The following EPB41 variants were observed in gnomAD, a reference collection of about 807,000 sequenced individuals.
EPB41 encodes the protein erythrocyte membrane protein band 4.1.
In EPB41, 65 loss-of-function variants were observed where a neutral mutation model predicts 108.0. The observed-to-expected ratio is 0.60, with a 90% CI of 0.49 to 0.74. EPB41 has a LOEUF of 0.74. Ranked by LOEUF, EPB41 falls within the 30% of genes least tolerant of loss-of-function variation. The pLI, the probability that EPB41 is intolerant of heterozygous loss-of-function variation, is 0.00. For synonymous variants in EPB41, 336 were observed against 358.9 expected, an observed-to-expected ratio of 0.94 and a Z score of 0.72; for missense variants, 875 against 1,037.0, an observed-to-expected ratio of 0.84 and a Z score of 2.15.
chr1:28,944,534 G>T lies in EPB41; in HGVS notation c.-8+29766G>T, dbSNP rs1306872100. ...ATTAAACATAAAACTCTCAGATCTGGTTTTTTTTTTTTTTTTTTTTTTTGA... is the reference window on the plus strand; with the variant it reads ...ATTAAACATAAAACTCTCAGATCTGTTTTTTTTTTTTTTTTTTTTTTTTGA... On this transcript the variant is annotated intron_variant, in intron 1 of 20. Transcript: ENST00000343067. 4.4e-3 allele frequency among the ~76,000 whole-genome samples: 429 copies of T among 97,432 alleles called. 2 individuals are homozygous for T. Among genetic ancestry groups the T allele is most frequent in the African/African-American group, 0.017 (405 of 24,152 alleles). 63.9% of individuals were successfully genotyped at this position (97,432 alleles called of 152,430 possible). A position where few individuals can be genotyped will look rare whatever the true frequency, so the allele number is the denominator to read the frequency against.
At chr1:29,048,572 T>C (rs1308194647) in intron 11 of EPB41, among the ~76,000 whole-genome samples, 6 of 152,216 alleles carry the variant, frequency 3.9e-5, no homozygotes, top group Admixed American at 3.9e-4. Flanking sequence ...TAGATACTCA[T>C]TAATGTTCAT....
At chr1:28,999,360 AC>A (rs2096251219) in intron 4 of EPB41, among the ~76,000 whole-genome samples, 1 of 152,070 alleles carries the variant, frequency 6.6e-6, no homozygotes, top group Non-Finnish European at 1.5e-5. Flanking sequence ...ACAGAGTGAG[AC>A]TCCATCTCAA....
In EPB41 at chr1:28,987,651, C is replaced by T. The variant is rs780285029; in HGVS notation, c.214C>T (p.Arg72Trp). 12 of 1,614,120 alleles carry T rather than the reference C, an allele frequency of 7.4e-6. No homozygotes were observed. Among genetic ancestry groups the T allele is most frequent in the Admixed American group, 1.7e-5 (1 of 60,012 alleles). The change falls in exon 2 of 21, where the codon CGG becomes TGG. Residue 72 changes from arginine to tryptophan, a missense_variant. Transcript: ENST00000343067. Reference protein sequence around the residue: ...THEDLTKNKERTSESRGLSRL... With the variant: ...THEDLTKNKEWTSESRGLSRL... ...TGAAGACTTGACCAAGAACAAGGAG[C>T]GGACATCAGAAAGCAGAGGACTTTC... is the stretch of plus-strand genomic sequence containing the variant.
intron 4 of EPB41, among the ~76,000 whole-genome samples, chr1:29,006,766 G>A (rs2096410874): frequency 6.6e-6 from 1 of 151,898 alleles, no homozygotes; most frequent in Non-Finnish European, 1.5e-5. Flanking sequence ...CAGGTGTGGT[G>A]GTGAGCACCT....
rs10580931 is a variant in EPB41 at position 29,034,973 on chromosome 1, GTTTTTTTTTTTT to G, written c.1366-840_1366-829del. Among the ~76,000 whole-genome samples the G allele has an allele frequency of 3.2e-4, 28 of 87,190 alleles. No homozygotes were observed. In the Admixed American group the frequency reaches 3.9e-3, roughly 12 times the overall value. The allele number at this position is 87,190 out of a possible 152,430, so 57.2% of individuals were successfully genotyped here. On this transcript the variant is annotated intron_variant, in intron 9 of 20. Coordinates refer to ENST00000343067, the MANE Select transcript of EPB41 (RefSeq NM_001376013.1). ...TGTTTCTTGGGTTTGTTTGTTTGTT[GTTTTTTTTTTTT>G]TTTTTTTTTTTTGGAAGAAGAAGTC... is the stretch of plus-strand genomic sequence containing the variant.
chr1:28,942,846 A>G (rs1248833302), intron 1 of EPB41, among the ~76,000 whole-genome samples: 1 of 152,216 alleles, frequency 6.6e-6, no homozygotes, highest in Non-Finnish European at 1.5e-5. Context: ...CACTCAATTC[A>G]TTAGTATTCA....
chr1:29,054,894 T>C (rs1403553610), intron 12 of EPB41, among the ~76,000 whole-genome samples: 1 of 152,026 alleles, frequency 6.6e-6, no homozygotes, highest in African/African-American at 2.4e-5. Flanking sequence ...AAAAATTAGC[T>C]GGGCATGATG....
At chr1:28,965,065 C>G (rs2095326537) in intron 1 of EPB41, among the ~76,000 whole-genome samples, 1 of 152,044 alleles carries the variant, frequency 6.6e-6, no homozygotes, top group African/African-American at 2.4e-5. Context: ...TTTTTGCAAC[C>G]TTGGCTCTTA....
At chr1:29,015,629 G>T (rs1281261482) in intron 5 of EPB41, 63 bp from the exon 6 acceptor site, 1 of 947,134 alleles carries the variant, frequency 1.1e-6, no homozygotes, top group Non-Finnish European at 1.7e-6. Flanking sequence ...AATATTTTGA[G>T]GTACTTCCAA....
Position 29,090,627 on chromosome 1 carries a change from G to A in EPB41, c.2185-7180G>A, listed in dbSNP as rs564105486. 9.2e-5 allele frequency among the ~76,000 whole-genome samples: 14 copies of A among 152,298 alleles called. No individual in the cohort carries two copies. In the South Asian group the frequency reaches 2.9e-3, roughly 32 times the overall value. The stretch of plus-strand genomic sequence containing the variant: ...TAGCCGGGCGCGATGGCAAATGCCT[G>A]TAATCCCAGCTACTCGGGAGGCTGA... On this transcript the variant is annotated intron_variant, in intron 16 of 20. Coordinates refer to ENST00000343067, the MANE Select transcript of EPB41 (RefSeq NM_001376013.1).
At chr1:28,958,819 CAAA>C (rs35105287) in intron 1 of EPB41, among the ~76,000 whole-genome samples, 4 of 65,758 alleles carry the variant, frequency 6.1e-5, no homozygotes, top group South Asian at 4.8e-4. Flanking sequence ...ACCCTGTCTC[CAAA>C]AAAAAAAAAA....
At chr1:28,956,451 C>G (rs146136824) in intron 1 of EPB41, among the ~76,000 whole-genome samples, 1 of 152,326 alleles carries the variant, frequency 6.6e-6, no homozygotes, top group African/African-American at 2.4e-5. Context: ...TAAATAACTG[C>G]TGGCTTATTC....
At chr1:29,111,003 C>T (rs1668962779) in intron 18 of EPB41, among the ~76,000 whole-genome samples, 1 of 151,832 alleles carries the variant, frequency 6.6e-6, no homozygotes, top group Non-Finnish European at 1.5e-5. Flanking sequence ...CCCATCTCTA[C>T]TAAAAAAATA....
At chr1:28,997,735 T>G (rs1028177913) in intron 4 of EPB41, among the ~76,000 whole-genome samples, 6 of 151,938 alleles carry the variant, frequency 3.9e-5, no homozygotes, top group Non-Finnish European at 7.4e-5. Flanking sequence ...AATTATGATA[T>G]ATAATTATAA....
intron 17 of EPB41, among the ~76,000 whole-genome samples, chr1:29,104,558 G>A (rs1418971452): frequency 6.6e-6 from 1 of 152,010 alleles, no homozygotes; most frequent in Admixed American, 6.6e-5. Context: ...TAGGACTCCA[G>A]GCGCACACCA....
In EPB41 at chr1:29,008,035, A is replaced by G. The variant is rs905005761; in HGVS notation, c.787-3830A>G. On this transcript the variant is annotated intron_variant, in intron 4 of 20. Coordinates refer to ENST00000343067, the MANE Select transcript of EPB41 (RefSeq NM_001376013.1). ...CATATACCTATTTAAATATATTACA[A>G]TTTATTCATTCAATTGTTGATGTAC... 1.4e-4 allele frequency among the ~76,000 whole-genome samples: 22 copies of G among 152,270 alleles called. No individual in the cohort carries two copies. The East Asian group carries it at 2.5e-3, about 17-fold the overall frequency.
chr1:28,952,904 A>G lies in EPB41; in HGVS notation c.-7-34527A>G, dbSNP rs1023392947. 5.9e-5 allele frequency among the ~76,000 whole-genome samples: 9 copies of G among 152,008 alleles called. No individual in the cohort carries two copies. The East Asian group carries it at 7.7e-4, about 13-fold the overall frequency. ...ACCACCACGCCCAGCTAATTTTTGT[A>G]TTTTAGTAGAGATGGGGTTTCACCA... On this transcript the variant is annotated intron_variant, in intron 1 of 20. Transcript: ENST00000343067.
At chr1:29,014,793 T>G (rs1017205424) in intron 5 of EPB41, among the ~76,000 whole-genome samples, 2 of 152,236 alleles carry the variant, frequency 1.3e-5, no homozygotes, top group East Asian at 3.8e-4. Flanking sequence ...GCAACCAATC[T>G]TTTTTGTTTA....
chr1:29,014,444 C>T (rs1277540260), intron 5 of EPB41, among the ~76,000 whole-genome samples: 1 of 151,902 alleles, frequency 6.6e-6, no homozygotes, highest in Non-Finnish European at 1.5e-5. Context: ...GAGTATAGTA[C>T]GAGGTAAATC....
Sources: gnomAD v4.1 joint callset for allele counts (sites outside exome capture counted in the v4.1 genomes callset) on GRCh38, gnomAD v4.1.1 for gene constraint, MANE v1.5 for transcripts, NCBI Gene and HGNC (gene_info 2026-07-23, HGNC 2026-07-21) for gene names.